ARHGEF26: variants seen among roughly 807,000 people sequenced by gnomAD.
The protein encoded by ARHGEF26 is Rho guanine nucleotide exchange factor 26.
ARHGEF26 carries 59 observed loss-of-function variants against 89.4 expected under a neutral mutation model. That is an observed-to-expected ratio of 0.66 (90% CI 0.54 to 0.82). The LOEUF (loss-of-function observed/expected upper bound fraction) is 0.82, where lower values mean the gene tolerates loss of function less well. ARHGEF26 is among the 40% of genes least tolerant of loss of function. ARHGEF26 has a pLI of 0.00. For synonymous variants in ARHGEF26, 500 were observed against 428.4 expected (o/e 1.17, Z -2.06); for missense variants, 1,234 against 1,085.6 (o/e 1.14, Z -1.92).
chr3:154,238,675 C>T (rs1208330210), intron 11 of ARHGEF26, among the ~76,000 whole-genome samples: 3 of 152,078 alleles, frequency 2.0e-5, no homozygotes, highest in Admixed American at 1.3e-4. Context: ...ATATTCCTAG[C>T]GTATATTAGA....
rs756133861 is a variant in ARHGEF26 at position 154,187,845 on chromosome 3, A to G, written c.1640+8A>G. The G allele has an allele frequency of 3.8e-5, 61 of 1,604,952 alleles. 1 individual carries two copies. The highest frequency in any genetic ancestry group is 1.7e-4 in the South Asian group (15 of 89,178). On this transcript the variant is annotated splice_region_variant and intron_variant, in intron 7 of 14. Transcript: ENST00000465093. ...AACACTACAAAAATTGTTGTAAGCA[A>G]TGTCGAATGCTACAGTTTTAATCAT...
intron 4 of ARHGEF26, among the ~76,000 whole-genome samples, chr3:154,140,755 A>G (rs532363103): frequency 6.6e-6 from 1 of 150,560 alleles, no homozygotes; most frequent in South Asian, 2.1e-4. Flanking sequence ...TAATTTTTGT[A>G]TTTTTAATAG....
rs1291488868 is a variant in ARHGEF26 at position 154,122,305 on chromosome 3, T to A, written c.313T>A (p.Ser105Thr). ...GTASPEYRAA[S>T]PRLRRPKSPK... is the part of the protein sequence containing the mutation. ...GGCATCCCCGGAGTACAGGGCTGCC[T>A]CTCCTCGACTTCGACGGCCCAAGTC... Residue 105 changes from serine (S) to threonine (T), a missense_variant, in exon 2 of 15, where the codon TCT (serine) becomes ACT (threonine). Transcript: ENST00000465093. The A allele has an allele frequency of 1.9e-6, 3 of 1,612,724 alleles. No homozygotes were observed. The highest frequency in any genetic ancestry group is 8.5e-7 in the Non-Finnish European group (1 of 1,179,812).
intron 11 of ARHGEF26, among the ~76,000 whole-genome samples, chr3:154,234,189 G>A (rs762821964): frequency 6.6e-6 from 1 of 152,168 alleles, no homozygotes; most frequent in South Asian, 2.1e-4. Flanking sequence ...GCTGAGAGAC[G>A]TGGGTTGTGG....
intron 3 of ARHGEF26, among the ~76,000 whole-genome samples, chr3:154,128,134 T>C (rs1718451017): frequency 6.6e-6 from 1 of 152,216 alleles, no homozygotes; most frequent in African/African-American, 2.4e-5. Context: ...AAGATCATTA[T>C]GTTCTCAAAC....
chr3:154,238,792 G>C (rs1323443517), intron 11 of ARHGEF26, among the ~76,000 whole-genome samples: 1 of 152,170 alleles, frequency 6.6e-6, no homozygotes, highest in Non-Finnish European at 1.5e-5. Context: ...ATGTCACCAG[G>C]TTCGGGATTT....
At position 154,122,087 on chromosome 3, in the gene ARHGEF26, G is replaced by T. The variant is rs772537950; in HGVS notation, c.95G>T (p.Arg32Leu). ...CCTCAGCCCCACCAGGTTCTGGGCC[G>T]GAGCAAGCCGAGGCCCCAGTCCTAC... ...SIPQPHQVLG[R>L]SKPRPQSYQS... The change falls in exon 2 of 15, where the codon CGG (arginine) becomes CTG (leucine). Residue 32 changes from arginine to leucine, a missense_variant. Coordinates refer to ENST00000465093, the MANE Select transcript of ARHGEF26 (RefSeq NM_015595.4). 5 of 1,611,214 alleles carry T rather than the reference G, an allele frequency of 3.1e-6. No homozygotes were observed. Among genetic ancestry groups the T allele is most frequent in the Non-Finnish European group, 4.2e-6 (5 of 1,178,802 alleles).
At chr3:154,219,981 T>G (rs1716029272) in intron 10 of ARHGEF26, among the ~76,000 whole-genome samples, 1 of 152,218 alleles carries the variant, frequency 6.6e-6, no homozygotes, top group Non-Finnish European at 1.5e-5. Context: ...TCCTGAGTTT[T>G]GGTTGTTTTC....
intron 2 of ARHGEF26, 142 bp downstream of exon 2, chr3:154,123,217 C>T: frequency 7.8e-7 from 1 of 1,288,108 alleles, no homozygotes. Context: ...TAGTGTACAT[C>T]CAGCTCTTGG....
Position 154,254,739 on chromosome 3 carries a change from C to T in ARHGEF26, c.2388C>T (p.Ile796=), listed in dbSNP as rs761675586. Residue 796 remains isoleucine (I), a synonymous_variant, in exon 14 of 15, where the codon ATC becomes ATT. Transcript: ENST00000465093. ...CCTCAGCACTGACCCAGGTGGAAAT[C>T]GTTAGGTCATTTACTGCTAAGCAGC... ...ADRTSLTQVE[I]VRSFTAKQPD... The T allele has an allele frequency of 6.2e-6, 10 of 1,613,714 alleles. No individual in the cohort carries two copies. Among genetic ancestry groups the T allele is most frequent in the African/African-American group, 4.0e-5 (3 of 74,878 alleles).
intron 6 of ARHGEF26, among the ~76,000 whole-genome samples, chr3:154,164,968 G>A (rs1035893091): frequency 2.0e-5 from 3 of 152,074 alleles, no homozygotes; most frequent in Admixed American, 6.6e-5. Context: ...TTATTCTCTT[G>A]GATTTATCTA....
chr3:154,202,219 A>C (rs1360613529), intron 9 of ARHGEF26, among the ~76,000 whole-genome samples: 1 of 152,216 alleles, frequency 6.6e-6, no homozygotes, highest in African/African-American at 2.4e-5. Context: ...AGCTTCCTAC[A>C]TATGGCTAGC....
At chr3:154,236,317 A>G (rs1000054707) in intron 11 of ARHGEF26, among the ~76,000 whole-genome samples, 1 of 152,212 alleles carries the variant, frequency 6.6e-6, no homozygotes, top group African/African-American at 2.4e-5. Flanking sequence ...TTACACTTCA[A>G]GCAACAGACT....
At chr3:154,236,576 A>T (rs2108276545) in intron 11 of ARHGEF26, among the ~76,000 whole-genome samples, 1 of 152,350 alleles carries the variant, frequency 6.6e-6, no homozygotes. Flanking sequence ...CGATAGAGAC[A>T]AACATGGGGA....
intron 6 of ARHGEF26, among the ~76,000 whole-genome samples, chr3:154,181,688 G>T (rs1164753311): frequency 1.3e-5 from 2 of 152,052 alleles, no homozygotes; most frequent in Non-Finnish European, 2.9e-5. Flanking sequence ...GATTGGACTG[G>T]GTCTCTCTTT....
At chr3:154,211,967 A>G (rs1715396128) in intron 9 of ARHGEF26, among the ~76,000 whole-genome samples, 2 of 151,956 alleles carry the variant, frequency 1.3e-5, no homozygotes, top group South Asian at 4.2e-4. Context: ...AAGGGAGGAG[A>G]GTTTGGAAGG....
At chr3:154,239,165 G>C (rs1717299072) in intron 11 of ARHGEF26, among the ~76,000 whole-genome samples, 1 of 151,902 alleles carries the variant, frequency 6.6e-6, no homozygotes, top group Non-Finnish European at 1.5e-5. Context: ...GTAAAGTCGG[G>C]GAATTGAGGG....
intron 7 of ARHGEF26, among the ~76,000 whole-genome samples, chr3:154,188,604 G>C (rs1008932564): frequency 1.3e-5 from 2 of 152,110 alleles, no homozygotes; most frequent in Non-Finnish European, 2.9e-5. Context: ...ACCCAGTTTG[G>C]GAGCTTAATG....
intron 6 of ARHGEF26, among the ~76,000 whole-genome samples, chr3:154,164,240 T>C (rs868568871): frequency 1.3e-5 from 2 of 152,076 alleles, no homozygotes; most frequent in Non-Finnish European, 2.9e-5. Flanking sequence ...TGTGAAAATA[T>C]GATTTTTAAA....
Sources: gnomAD v4.1 joint callset for allele counts (sites outside exome capture counted in the v4.1 genomes callset) on GRCh38, gnomAD v4.1.1 for gene constraint, MANE v1.5 for transcripts, NCBI Gene and HGNC (gene_info 2026-07-23, HGNC 2026-07-21) for gene names.